WNK4: variants seen among roughly 807,000 people sequenced by gnomAD.
The protein encoded by WNK4 is serine/threonine-protein kinase WNK4.
Under a neutral mutation model 116.2 loss-of-function variants are expected in WNK4, and 94 were observed. That is an observed-to-expected ratio of 0.81 (90% confidence interval 0.68 to 0.96). The LOEUF (loss-of-function observed/expected upper bound fraction) is 0.96, where lower values mean the gene tolerates loss of function less well. WNK4 is among the 40% of genes least tolerant of loss of function. The pLI is 0.00. For synonymous variants in WNK4, 655 were observed against 672.7 expected, an observed-to-expected ratio of 0.97 and a Z score of 0.41; for missense variants, 1,542 against 1,650.6, an observed-to-expected ratio of 0.93 and a Z score of 1.14.
chr17:42,794,371 C>T (rs969527379), intron 12 of WNK4: 1 of 569,928 alleles, frequency 1.8e-6, no homozygotes, highest in Non-Finnish European at 3.1e-6. Flanking sequence ...TCATCATTGT[C>T]TCTTCCTCTC....
intron 11 of WNK4, among the ~76,000 whole-genome samples, chr17:42,792,719 T>A (rs2054618787): frequency 1.3e-5 from 2 of 152,352 alleles, no homozygotes; most frequent in South Asian, 4.1e-4. Flanking sequence ...ATTCCCACAG[T>A]ACCCAGCACA....
At chr17:42,786,963 A>C (rs1307794517) in intron 6 of WNK4, among the ~76,000 whole-genome samples, 2 of 152,188 alleles carry the variant, frequency 1.3e-5, no homozygotes, top group Admixed American at 6.5e-5. Flanking sequence ...CCTACCCTCC[A>C]GTTGTGGCAA....
rs762544361 is a variant in WNK4 at position 42,794,662 on chromosome 17, T to C, written c.2344T>C (p.Ser782Pro). 20 of 1,613,294 alleles carry C rather than the reference T, an allele frequency of 1.2e-5. No individual in the cohort carries two copies. The highest frequency in any genetic ancestry group is 1.6e-5 in the Non-Finnish European group (19 of 1,179,746). Residue 782 changes from serine (S) to proline (P), a missense_variant, in exon 13 of 19, where the codon TCC becomes CCC. Coordinates refer to ENST00000246914, the MANE Select transcript of WNK4 (RefSeq NM_032387.5). ...PALPVPLPDP[S>P]NEELQSSTSL... The stretch of plus-strand genomic sequence containing the variant: ...CCTGCCCGTCCCCCTCCCAGACCCA[T>C]CCAATGGTATGTACTGAGTTGTGTC...
Position 42,785,276 on chromosome 17 carries a change from C to G in WNK4, c.1270C>G (p.Gln424Glu). The G allele has an allele frequency of 6.2e-7, 1 of 1,610,380 alleles. No individual in the cohort carries two copies. The highest frequency in any genetic ancestry group is 8.5e-7 in the Non-Finnish European group (1 of 1,178,572). ...RTDKNERFTI[Q>E]DLLAHAFFRE... ...ACGCGTCACCCTCAGGTTCACCATC[C>G]AGGACCTCCTGGCCCACGCCTTCTT... The change falls in exon 6 of 19, where the codon CAG (glutamine) becomes GAG (glutamate). Residue 424 changes from glutamine to glutamate, a missense_variant. Coordinates refer to ENST00000246914, the MANE Select transcript of WNK4 (RefSeq NM_032387.5).
At position 42,796,972 on chromosome 17, in the gene WNK4, G is replaced by A. The variant is rs981957739; in HGVS notation, c.*284G>A. Reference sequence around the variant, plus strand: ...CACTAAGCAATCCCACCCAAGCCTGGATGCTTCTAGAGGGGCCCACTCCCA... The same window carrying A: ...CACTAAGCAATCCCACCCAAGCCTGAATGCTTCTAGAGGGGCCCACTCCCA... On this transcript the variant is annotated 3_prime_UTR_variant, in exon 19 of 19. Coordinates refer to ENST00000246914, the MANE Select transcript of WNK4 (RefSeq NM_032387.5). 1 of 578,582 alleles carries A rather than the reference G, an allele frequency of 1.7e-6. No homozygotes were observed. Among genetic ancestry groups the A allele is most frequent in the African/African-American group, 1.9e-5 (1 of 53,278 alleles). 35.8% of individuals were successfully genotyped at this position (578,582 alleles called of 1,614,324 possible).
At chr17:42,783,547 G>A (rs1038772772) in intron 2 of WNK4, 48 of 322,620 alleles carry the variant, frequency 1.5e-4, no homozygotes, top group Non-Finnish European at 2.4e-4. Flanking sequence ...TTTGAGCACG[G>A]TGTCCTGTCT....
chr17:42,787,812 C>A lies in WNK4; in HGVS notation c.1776C>A (p.Ser592=). Residue 592 remains serine (S), a synonymous_variant, in exon 8 of 19, where the codon TCC becomes TCA. Coordinates refer to ENST00000246914, the MANE Select transcript of WNK4 (RefSeq NM_032387.5). Reference sequence around the variant, plus strand: ...AGACTGATGGCTACCTCAGCTCCTCCGGCTTCCTGGATGCCTCAGACCCTG... The same window carrying A: ...AGACTGATGGCTACCTCAGCTCCTCAGGCTTCCTGGATGCCTCAGACCCTG... The part of the protein sequence containing the change: ...DCETDGYLSS[S]GFLDASDPAL... 6.2e-7 allele frequency: 1 copy of A among 1,612,500 alleles called. No individual in the cohort carries two copies. Among genetic ancestry groups the A allele is most frequent in the South Asian group, 1.1e-5 (1 of 91,086 alleles).
rs1416118947 is a variant in WNK4 at position 42,784,739 on chromosome 17, CA to C, written c.1170+161del. Reference sequence around the variant, plus strand: ...AGGATATTGAGTGCACACGCGCCCCCACCAGTACACGCTATTTAGAATAATA... The same window carrying C: ...AGGATATTGAGTGCACACGCGCCCCCCCAGTACACGCTATTTAGAATAATA... On this transcript the variant is annotated intron_variant, in intron 4 of 18. Transcript: ENST00000246914. This position sits in a 1 kb window ranked among gnomAD's most constrained non-coding sequence, Gnocchi z 4.4. Among the ~76,000 whole-genome samples, 1 of 152,132 alleles carries C rather than the reference CA, an allele frequency of 6.6e-6. No individual in the cohort carries two copies. Among genetic ancestry groups the C allele is most frequent in the East Asian group, 1.9e-4 (1 of 5,192 alleles).
At position 42,795,649 on chromosome 17, in the gene WNK4, G is replaced by A. The variant is rs529016542; in HGVS notation, c.3047G>A (p.Arg1016His). 6.8e-6 allele frequency: 11 copies of A among 1,613,434 alleles called. No individual in the cohort carries two copies. Among genetic ancestry groups the A allele is most frequent in the East Asian group, 4.5e-5 (2 of 44,886 alleles). The change falls in exon 16 of 19, where the codon CGT becomes CAT. Residue 1016 changes from arginine to histidine, a missense_variant. This residue lies in a region of WNK4 where 292 missense variants were observed against 290.1 expected (regional missense o/e 1.01). Transcript: ENST00000246914. Reference protein sequence around the residue: ...SEEGKPQLVGRFQVTSSKEPA... With the variant: ...SEEGKPQLVGHFQVTSSKEPA... ...GAGGGAAAGCCGCAGCTTGTTGGGC[G>A]TTTCCAAGTGACTTCATCCAAGGAA...
intron 11 of WNK4, among the ~76,000 whole-genome samples, chr17:42,791,674 A>C (rs2054608085): frequency 6.7e-6 from 1 of 149,078 alleles, no homozygotes; most frequent in African/African-American, 2.5e-5. Context: ...GAAAGATTGA[A>C]TAGGCCGGGC....
At position 42,780,681 on chromosome 17, in the gene WNK4, G is replaced by A. The variant is rs61754323; in HGVS notation, c.-18G>A. 6.2e-7 allele frequency: 1 copy of A among 1,604,628 alleles called. No homozygotes were observed. Among genetic ancestry groups the A allele is most frequent in the Non-Finnish European group, 8.5e-7 (1 of 1,179,274 alleles). On this transcript the variant is annotated 5_prime_UTR_variant, in exon 1 of 19. Coordinates refer to ENST00000246914, the MANE Select transcript of WNK4 (RefSeq NM_032387.5). Reference sequence around the variant, plus strand: ...CCGGCCGTCTGATTTTCTACCCTTCGGCGCCCTGCTCTTCCTCATGTTGGC... The same window carrying A: ...CCGGCCGTCTGATTTTCTACCCTTCAGCGCCCTGCTCTTCCTCATGTTGGC...
Position 42,787,333 on chromosome 17 carries a change from G to A in WNK4, c.1532G>A (p.Arg511His), listed in dbSNP as rs779595489. 30 of 1,613,990 alleles carry A rather than the reference G, an allele frequency of 1.9e-5. 1 individual carries two copies. In the South Asian group the frequency reaches 3.1e-4, roughly 17 times the overall value. ...ADYQPVARAVRERVAAIQRKR... is the reference protein window; with the variant it reads ...ADYQPVARAVHERVAAIQRKR... ...TACCAGCCAGTGGCCCGTGCAGTACGTGAACGGGTTGCTGCCATCCAGCGA... is the reference window on the plus strand; with the variant it reads ...TACCAGCCAGTGGCCCGTGCAGTACATGAACGGGTTGCTGCCATCCAGCGA... Residue 511 changes from arginine (R) to histidine (H), a missense_variant, in exon 7 of 19, where the codon CGT becomes CAT. Arg to His is a conservative substitution (Grantham distance 29). Around this residue, in one of 7 missense-constraint regions of WNK4, gnomAD observed 808 missense variants for 873.6 expected, o/e 0.92. Coordinates refer to ENST00000246914, the MANE Select transcript of WNK4 (RefSeq NM_032387.5).
Position 42,795,496 on chromosome 17 carries a change from A to G in WNK4, c.2997A>G (p.Glu999=). Residue 999 remains glutamate, a synonymous_variant, in exon 15 of 19, where the codon GAA becomes GAG. Transcript: ENST00000246914. ...CTCCTGCTCGGCCCCTCCCAGGGGA[A>G]GCCAGGCTGGCGCCCATCTCTGAAG... ...SPPPARPLPG[E]ARLAPISEEG... 1 of 1,614,208 alleles carries G rather than the reference A, an allele frequency of 6.2e-7. No individual in the cohort carries two copies. The highest frequency in any genetic ancestry group is 1.7e-5 in the Admixed American group (1 of 60,018).
At chr17:42,785,561 C>T (rs1477567127) in intron 6 of WNK4, 79 bp downstream of exon 6, 26 of 1,502,120 alleles carry the variant, frequency 1.7e-5, no homozygotes, top group Admixed American at 5.9e-5. Flanking sequence ...AGGGATGGGG[C>T]GCAGGAGGGG....
intron 6 of WNK4, among the ~76,000 whole-genome samples, chr17:42,786,796 T>C (rs545450214): frequency 2.0e-5 from 3 of 152,328 alleles, no homozygotes; most frequent in South Asian, 4.1e-4. Context: ...CAGGTCTCCA[T>C]AGCACGGCCC....
rs941090412 is a variant in WNK4, at chr17:42,780,945, C to G, written c.247C>G (p.Pro83Ala). Reference sequence around the variant, plus strand: ...CCTGCCAGCCTCACCCGCTCCGGACCCCCCCGATCCTCCGGACTCCGCTGG... The same window carrying G: ...CCTGCCAGCCTCACCCGCTCCGGACGCCCCCGATCCTCCGGACTCCGCTGG... ...WSLPASPAPD[P>A]PDPPDSAGPG... is the part of the protein sequence containing the mutation. The change falls in exon 1 of 19, where the codon CCC becomes GCC. Residue 83 changes from proline to alanine, a missense_variant. Pro to Ala is a conservative substitution (Grantham distance 27). Around this residue, in one of 7 missense-constraint regions of WNK4, gnomAD observed 243 missense variants for 217.8 expected, o/e 1.12. Transcript: ENST00000246914. The G allele has an allele frequency of 6.2e-7, 1 of 1,610,176 alleles. No homozygotes were observed. Among genetic ancestry groups the G allele is most frequent in the Non-Finnish European group, 8.5e-7 (1 of 1,179,750 alleles).
rs56081375 is a variant in WNK4, at chr17:42,795,093, C to T, written c.2672C>T (p.Thr891Met). The change falls in exon 14 of 19, where the codon ACG becomes ATG. Residue 891 changes from threonine to methionine, a missense_variant. This residue lies in a region of WNK4 where 292 missense variants were observed against 290.1 expected (regional missense o/e 1.01). Coordinates refer to ENST00000246914, the MANE Select transcript of WNK4 (RefSeq NM_032387.5). The part of the protein sequence containing the change: ...WSSLPTTSPP[T>M]FSPTCSQVTL... ...TCTCTCCCCACGACTTCTCCACCTA[C>T]GTTCTCTCCCACTTGTTCTCAGGTC... 3,311 of 1,614,076 alleles carry T rather than the reference C, an allele frequency of 2.1e-3. 49 individuals carry two copies. The African/African-American group carries it at 0.038, about 18-fold the overall frequency.
At position 42,796,523 on chromosome 17, in the gene WNK4, C is replaced by T; in HGVS notation, c.3674C>T (p.Ser1225Phe). The T allele has an allele frequency of 1.2e-6, 2 of 1,614,022 alleles. No individual in the cohort carries two copies. Among genetic ancestry groups the T allele is most frequent in the Non-Finnish European group, 1.7e-6 (2 of 1,179,906 alleles). Residue 1225 changes from serine (S) to phenylalanine (F), a missense_variant, in exon 18 of 19, where the codon TCC becomes TTC. Ser to Phe is a radical substitution (Grantham distance 155). Around this residue, in one of 7 missense-constraint regions of WNK4, gnomAD observed 148 missense variants for 157.2 expected, o/e 0.94. Coordinates refer to ENST00000246914, the MANE Select transcript of WNK4 (RefSeq NM_032387.5). ...RNSLSGSSTG[S>F]QEQRASKGVT... ...TCTCTGAGTGGCAGCAGCACCGGCT[C>T]CCAGGAGCAGCGGGCAAGCAAGGGG...
chr17:42,790,648 G>A (rs1597900932), intron 11 of WNK4, among the ~76,000 whole-genome samples: 1 of 152,266 alleles, frequency 6.6e-6, no homozygotes, highest in South Asian at 2.1e-4. Flanking sequence ...AGGACACAGA[G>A]ACAAAGCCAG....
Sources: allele counts gnomAD v4.1 joint callset (sites outside exome capture counted in the v4.1 genomes callset), GRCh38; gene constraint gnomAD v4.1.1; regional missense constraint gnomAD v4.1.1; non-coding constraint Gnocchi (gnomAD v3.1); transcripts MANE v1.5; gene names NCBI Gene and HGNC (gene_info 2026-07-23, HGNC 2026-07-21).